ATAD2B: variants seen among roughly 807,000 people sequenced by gnomAD.
ATAD2B encodes ATPase family AAA domain-containing protein 2B.
Under a neutral mutation model 167.6 loss-of-function variants are expected in ATAD2B, and 40 were observed. The observed-to-expected ratio is 0.24, with a 90% CI of 0.19 to 0.31. ATAD2B has a LOEUF of 0.31. Ranked by LOEUF, ATAD2B falls within the 10% of genes least tolerant of loss-of-function variation. The probability of loss-of-function intolerance (pLI) is 1.00; values close to 1 mark genes in which losing one functional copy is unlikely to be tolerated. For synonymous variants in ATAD2B, 579 were observed against 596.5 expected, an observed-to-expected ratio of 0.97 and a Z score of 0.43; for missense variants, 1,242 against 1,757.2, an observed-to-expected ratio of 0.71 and a Z score of 5.24.
the ATAD2B span, chr2:23,703,364 G>A: frequency 6.6e-7 from 1 of 1,508,778 alleles, no homozygotes; most frequent in Non-Finnish European, 8.8e-7. Flanking sequence ...GAGCTTCATC[G>A]AGTCCCCAAT....
At chr2:23,790,205 T>C (rs1681448126) in intron 19 of ATAD2B, among the ~76,000 whole-genome samples, 1 of 152,152 alleles carries the variant, frequency 6.6e-6, no homozygotes, top group Admixed American at 6.5e-5. Context: ...CTGAAGAAAA[T>C]GTCTTTGTTC....
chr2:23,755,359 A>C (rs12463647), intron 25 of ATAD2B, among the ~76,000 whole-genome samples: 4,445 of 152,300 alleles, frequency 0.029, 101 homozygotes, highest in Non-Finnish European at 0.04. Flanking sequence ...CCTACCTTAG[A>C]GTAAATTAGT....
intron 18 of ATAD2B, among the ~76,000 whole-genome samples, chr2:23,800,173 C>T (rs1053379089): frequency 2.2e-4 from 34 of 151,852 alleles, no homozygotes; most frequent in African/African-American, 8.2e-4. Flanking sequence ...TCCAGTTCCC[C>T]ACTCTGTGCT....
chr2:23,833,072 T>A (rs1291760299), intron 14 of ATAD2B, among the ~76,000 whole-genome samples: 1 of 152,222 alleles, frequency 6.6e-6, no homozygotes, highest in Non-Finnish European at 1.5e-5. Flanking sequence ...TAAATTGAAT[T>A]GTCAATCCAA....
In ATAD2B at chr2:23,887,884, T is replaced by C; in HGVS notation, c.520A>G (p.Asn174Asp). ...CTCTGGTTCACACTTTCAAATCTGT[T>C]TTTCCTGGAACGACAACTTTTTCTG... is the stretch of plus-strand genomic sequence containing the variant. ...EVRKSCRSRK[N>D]RFESVNQSLL... Residue 174 changes from asparagine to aspartate, a missense_variant, in exon 4 of 28, where the codon AAC becomes GAC. Around this residue, in one of 9 missense-constraint regions of ATAD2B, gnomAD observed 99 missense variants for 160.4 expected, o/e 0.62. Coordinates refer to ENST00000238789, the MANE Select transcript of ATAD2B (RefSeq NM_017552.4). 1 of 1,611,076 alleles carries C rather than the reference T, an allele frequency of 6.2e-7. No homozygotes were observed. Among genetic ancestry groups the C allele is most frequent in the South Asian group, 1.1e-5 (1 of 90,462 alleles).
Position 23,782,915 on chromosome 2 carries a change from G to A in ATAD2B, c.3087C>T (p.Leu1029=). 1.2e-6 allele frequency: 2 copies of A among 1,612,532 alleles called. No homozygotes were observed. Among genetic ancestry groups the A allele is most frequent in the Non-Finnish European group, 1.7e-6 (2 of 1,179,032 alleles). Reference sequence around the variant, plus strand: ...TATACTCTAAAGCATTGCTACAGATGAGGTCAATATCTTTCAGGAAATCCT... The same window carrying A: ...TATACTCTAAAGCATTGCTACAGATAAGGTCAATATCTTTCAGGAAATCCT... ...TAKDFLKDID[L]ICSNALEYNP... Residue 1029 remains leucine, a synonymous_variant, in exon 22 of 28, where the codon CTC becomes CTT. Coordinates refer to ENST00000238789, the MANE Select transcript of ATAD2B (RefSeq NM_017552.4).
chr2:23,857,311 T>C, intron 13 of ATAD2B, 104 bp downstream of exon 13: 1 of 618,450 alleles, frequency 1.6e-6, no homozygotes, highest in Non-Finnish European at 2.7e-6. Flanking sequence ...ACAGATTGTT[T>C]TAAATTTCTT....
intron 1 of ATAD2B, among the ~76,000 whole-genome samples, chr2:23,920,011 C>G (rs1017402894): frequency 1.3e-5 from 2 of 151,758 alleles, no homozygotes; most frequent in Admixed American, 6.6e-5. Flanking sequence ...ATTAGCCAGA[C>G]GTGGTGGCTC....
At chr2:23,904,101 T>A (rs183220357) in intron 1 of ATAD2B, among the ~76,000 whole-genome samples, 2 of 152,064 alleles carry the variant, frequency 1.3e-5, no homozygotes, top group Admixed American at 1.3e-4. Flanking sequence ...AACACACCTC[T>A]GAGTTGAAGT....
the ATAD2B span, among the ~76,000 whole-genome samples, chr2:23,682,393 C>A: frequency 3.3e-5 from 5 of 152,182 alleles, no homozygotes; most frequent in Non-Finnish European, 7.3e-5. This position sits in a 1 kb window ranked among gnomAD's most constrained non-coding sequence, Gnocchi z 4.1. Context: ...GGTTCACCCT[C>A]AGGTCTGGCT....
At chr2:23,703,252 A>C in the ATAD2B span, 7 of 1,544,542 alleles carry the variant, frequency 4.5e-6, no homozygotes, top group Non-Finnish European at 6.1e-6. Flanking sequence ...ACTCTGCTGC[A>C]GCCACAGTGT....
chr2:23,800,723 A>AT (rs1683347774), intron 18 of ATAD2B, among the ~76,000 whole-genome samples: 1 of 152,128 alleles, frequency 6.6e-6, no homozygotes, highest in Non-Finnish European at 1.5e-5. Flanking sequence ...TCTTCTCAAA[A>AT]TTAACAAATT....
intron 15 of ATAD2B, among the ~76,000 whole-genome samples, chr2:23,825,164 TCTCAAA>T (rs1688063099): frequency 7.1e-6 from 1 of 140,376 alleles, no homozygotes; most frequent in Non-Finnish European, 1.5e-5. Flanking sequence ...TCCAGGCTGG[TCTCAAA>T]CTCCTAGCCT....
At chr2:23,819,411 A>C (rs1687093450) in intron 17 of ATAD2B, among the ~76,000 whole-genome samples, 1 of 151,822 alleles carries the variant, frequency 6.6e-6, no homozygotes, top group African/African-American at 2.4e-5. Context: ...GAATAGCTTA[A>C]ACTCAGGAGG....
At chr2:23,868,507 G>C (rs1178025909) in intron 9 of ATAD2B, among the ~76,000 whole-genome samples, 1 of 152,134 alleles carries the variant, frequency 6.6e-6, no homozygotes, top group Admixed American at 6.5e-5. Context: ...TGCCTAGGCT[G>C]GTCTCAAATT....
Position 23,751,951 on chromosome 2 carries a change from T to C in ATAD2B, c.*95A>G. 1.0e-6 allele frequency: 1 copy of C among 972,780 alleles called. No homozygotes were observed. Among genetic ancestry groups the C allele is most frequent in the Admixed American group, 2.4e-5 (1 of 42,368 alleles). The allele number at this position is 972,780 out of a possible 1,614,324, so 60.3% of individuals were successfully genotyped here. Reference sequence around the variant, plus strand: ...GTGAGAGAGCACTTTACACCAAGGCTCTGCACATAATTGGTGCAATTTGAA... The same window carrying C: ...GTGAGAGAGCACTTTACACCAAGGCCCTGCACATAATTGGTGCAATTTGAA... On this transcript the variant is annotated 3_prime_UTR_variant, in exon 28 of 28. Transcript: ENST00000238789.
intron 1 of ATAD2B, among the ~76,000 whole-genome samples, chr2:23,909,704 G>A (rs1320845447): frequency 6.6e-6 from 1 of 151,892 alleles, no homozygotes; most frequent in East Asian, 1.9e-4. Context: ...TTTTTTCTGT[G>A]TACGTACATA....
chr2:23,872,966 T>C (rs1358745056), intron 8 of ATAD2B: 2 of 747,784 alleles, frequency 2.7e-6, no homozygotes, highest in Non-Finnish European at 5.0e-6. Flanking sequence ...TTCTCCAGGT[T>C]CCAGGTGCTC....
the ATAD2B span, chr2:23,706,449 T>C: frequency 7.1e-7 from 1 of 1,414,696 alleles, no homozygotes; most frequent in Non-Finnish European, 9.2e-7. Context: ...GGAAGTGAAA[T>C]GCCTAACTCT....
Sources: gnomAD v4.1 joint callset for allele counts (sites outside exome capture counted in the v4.1 genomes callset) on GRCh38, gnomAD v4.1.1 for gene constraint, gnomAD v4.1.1 regional missense constraint, Gnocchi (gnomAD v3.1) non-coding constraint, MANE v1.5 for transcripts, NCBI Gene and HGNC (gene_info 2026-07-23, HGNC 2026-07-21) for gene names.